Variants in TRPV4 observed in about 807,000 individuals in gnomAD.
The protein encoded by TRPV4 is OSM9-like transient receptor potential channel 4.
A neutral mutation model predicts 84.1 loss-of-function variants in TRPV4; 58 were observed. That is an observed-to-expected ratio of 0.69 (90% confidence interval 0.56 to 0.86). The LOEUF is 0.86. Among genes scored for constraint, TRPV4 ranks in the 40% least tolerant of loss-of-function variants. TRPV4 has a pLI of 0.00. For missense variants in TRPV4, 879 were observed against 1,181.1 expected (o/e 0.74, Z 3.75); for synonymous variants, 489 against 500.9 (o/e 0.98, Z 0.32).
At position 109,792,464 on chromosome 12, in the gene TRPV4, G is replaced by A. The variant is rs984215961; in HGVS notation, c.1825-35C>T. 3.1e-6 allele frequency: 5 copies of A among 1,608,568 alleles called. No individual in the cohort carries two copies. In the Admixed American group the frequency reaches 5.0e-5, roughly 16 times the overall value. On this transcript the variant is annotated intron_variant, in intron 11 of 15. Transcript: ENST00000261740. ...CCAGCGGGATTATGGAGGCAAAGAGGAGACACATGGTTTCTCACTTTCCCC... is the reference window on the plus strand; with the variant it reads ...CCAGCGGGATTATGGAGGCAAAGAGAAGACACATGGTTTCTCACTTTCCCC...
intron 1 of TRPV4, among the ~76,000 whole-genome samples, chr12:109,827,003 G>A (rs1004639248): frequency 2.1e-5 from 3 of 145,022 alleles, no homozygotes; most frequent in African/African-American, 8.7e-5. Flanking sequence ...CATAGCAGCT[G>A]CTCAAGATGT....
intron 2 of TRPV4, among the ~76,000 whole-genome samples, chr12:109,809,891 A>T (rs1891416758): frequency 6.6e-6 from 1 of 152,258 alleles, no homozygotes; most frequent in East Asian, 1.9e-4. Flanking sequence ...CCATGCTCAT[A>T]TGTACCTGCC....
chr12:109,797,584 G>T (rs1025172050), intron 6 of TRPV4, among the ~76,000 whole-genome samples: 1 of 152,214 alleles, frequency 6.6e-6, no homozygotes, highest in Non-Finnish European at 1.5e-5. Flanking sequence ...CTCCCAAAGT[G>T]CTAGGATTAC....
At chr12:109,825,767 G>A (rs1278195931) in intron 1 of TRPV4, among the ~76,000 whole-genome samples, 1 of 152,182 alleles carries the variant, frequency 6.6e-6, no homozygotes, top group Non-Finnish European at 1.5e-5. Flanking sequence ...TCCCGAGTTT[G>A]CCAAATCAGA....
Position 109,798,795 on chromosome 12 carries a change from AC to A in TRPV4, c.970del (p.Val324CysfsTer52). ...MRRQDSRGNT[V>X]LHALVAIADN... is the part of the protein sequence containing the mutation. ...AGCAATGGCCACCAGCGCATGCAGC[AC>A]TGTGTTGCCTCGCGAGTCCTGGCGC... On this transcript the variant is annotated frameshift_variant, in exon 6 of 16. Transcript: ENST00000261740. LOFTEE classifies it high-confidence loss of function. The surrounding 1 kb of genome is among the most constrained non-coding windows in gnomAD (Gnocchi z 5.0). The A allele has an allele frequency of 2.5e-6, 4 of 1,614,188 alleles. No homozygotes were observed. Among genetic ancestry groups the A allele is most frequent in the Non-Finnish European group, 3.4e-6 (4 of 1,180,044 alleles).
rs1213837032 is a variant in TRPV4 at position 109,796,488 on chromosome 12, T to C, written c.1332+37A>G. 1.3e-6 allele frequency: 2 copies of C among 1,595,982 alleles called. No homozygotes were observed. The highest frequency in any genetic ancestry group is 4.5e-5 in the East Asian group (2 of 44,064). ...CTGTCCCTACTCCCAGCCCTGCCCC[T>C]CCTTCCTCACACCCCATGCCCCCTC... On this transcript the variant is annotated intron_variant, in intron 7 of 15. Coordinates refer to ENST00000261740, the MANE Select transcript of TRPV4 (RefSeq NM_021625.5). The surrounding 1 kb of genome is among the most constrained non-coding windows in gnomAD (Gnocchi z 4.2).
rs1891773071 is a variant in TRPV4, at chr12:109,814,890, C to G, written c.-31-63G>C. 1 of 1,470,796 alleles carries G rather than the reference C, an allele frequency of 6.8e-7. No homozygotes were observed. The highest frequency in any genetic ancestry group is 2.5e-5 in the East Asian group (1 of 40,504). The allele number at this position is 1,470,796 out of a possible 1,614,324, so 91.1% of individuals were successfully genotyped here. A position where few individuals can be genotyped will look rare whatever the true frequency, so the allele number is the denominator to read the frequency against. On this transcript the variant is annotated intron_variant, in intron 1 of 15. Transcript: ENST00000261740. This position sits in a 1 kb window ranked among gnomAD's most constrained non-coding sequence, Gnocchi z 5.4. ...CCAGGGGCGGGGGCTCCAGGAAGCC[C>G]CCTCCCACGTGGACAAGCAGCAGTG... is the stretch of plus-strand genomic sequence containing the variant.
At chr12:109,833,155 G>A (rs1179457470) in intron 1 of TRPV4, among the ~76,000 whole-genome samples, 195 bp downstream of exon 1, 1 of 152,212 alleles carries the variant, frequency 6.6e-6, no homozygotes, top group Non-Finnish European at 1.5e-5. Context: ...GAGACCCAAA[G>A]AGCCGGTGTC....
chr12:109,820,513 C>CTTTTTTTT (rs1245573219), intron 1 of TRPV4, among the ~76,000 whole-genome samples: 1,352 of 106,572 alleles, frequency 0.013, 41 homozygotes, highest in Non-Finnish European at 0.019. Flanking sequence ...CTTCAGCTGC[C>CTTTTTTTT]CTATTTTTTT....
intron 13 of TRPV4, 51 bp downstream of exon 13, chr12:109,788,349 G>A (rs754652634): frequency 6.0e-5 from 95 of 1,573,010 alleles, no homozygotes; most frequent in East Asian, 5.1e-4. Context: ...GGGTCTCCTC[G>A]GAAGGACGAG....
chr12:109,792,966 G>C (rs1457449876), intron 10 of TRPV4, 149 bp from the exon 11 acceptor site: 2 of 742,606 alleles, frequency 2.7e-6, no homozygotes, highest in Non-Finnish European at 4.4e-6. Context: ...TGGATTAGCA[G>C]GGTTCCCCAG....
intron 1 of TRPV4, among the ~76,000 whole-genome samples, chr12:109,826,660 C>A (rs1292685587): frequency 2.0e-5 from 3 of 152,088 alleles, no homozygotes; most frequent in Admixed American, 1.3e-4. Flanking sequence ...CTCCCTAGGA[C>A]CCCCCTTCTC....
rs2136503789 is a variant in TRPV4, at chr12:109,796,687, G to A, written c.1170C>T (p.Ile390=). Residue 390 remains isoleucine (I), a synonymous_variant, in exon 7 of 16, where the codon ATC becomes ATT. Coordinates refer to ENST00000261740, the MANE Select transcript of TRPV4 (RefSeq NM_021625.5). The surrounding 1 kb of genome is among the most constrained non-coding windows in gnomAD (Gnocchi z 4.2). ...TGTCCTCATCCGTCACCTCCCGCCG[G>A]ATGATGTGCTGAAAGATCTGCACAG... ...TGKIGIFQHI[I]RREVTDEDTR... 6.2e-7 allele frequency: 1 copy of A among 1,612,944 alleles called. No individual in the cohort carries two copies. Among genetic ancestry groups the A allele is most frequent in the Non-Finnish European group, 8.5e-7 (1 of 1,179,112 alleles).
intron 4 of TRPV4, among the ~76,000 whole-genome samples, chr12:109,802,180 A>G (rs1483738648): frequency 6.8e-6 from 1 of 147,254 alleles, no homozygotes; most frequent in Non-Finnish European, 1.5e-5. Context: ...CCCAGGCTGG[A>G]GTGCAGTGGC....
At chr12:109,808,510 C>A (rs571727191) in intron 2 of TRPV4, 42 bp from the exon 3 acceptor site, 1 of 1,582,272 alleles carries the variant, frequency 6.3e-7, no homozygotes, top group South Asian at 1.1e-5. Context: ...GGGCTCATCC[C>A]CTGCCTGCCC....
At chr12:109,811,568 G>T (rs1005637785) in intron 2 of TRPV4, among the ~76,000 whole-genome samples, 2 of 151,838 alleles carry the variant, frequency 1.3e-5, no homozygotes, top group African/African-American at 4.8e-5. Context: ...TGAGGCTGGA[G>T]AATTGCTTGA....
chr12:109,819,408 C>T (rs1892003351), intron 1 of TRPV4, among the ~76,000 whole-genome samples: 1 of 152,156 alleles, frequency 6.6e-6, no homozygotes, highest in Non-Finnish European at 1.5e-5. Flanking sequence ...TTCGTTCCCG[C>T]ACGGGCTCAC....
chr12:109,825,252 T>C (rs1310538386), intron 1 of TRPV4, among the ~76,000 whole-genome samples: 1 of 152,082 alleles, frequency 6.6e-6, no homozygotes, highest in Non-Finnish European at 1.5e-5. Context: ...AAAGAGCTAT[T>C]GTGAGGATTA....
chr12:109,800,737 G>A lies in TRPV4; in HGVS notation c.734C>T (p.Ala245Val). ...GTAGTGTTTGCAGCGACGCTCAATG[G>A]CGATGTGCAGGGCTGTCTGACCTGG... Reference protein sequence around the residue: ...YYRGQTALHIAIERRCKHYVE... With the variant: ...YYRGQTALHIVIERRCKHYVE... The change falls in exon 5 of 16, where the codon GCC becomes GTC. Residue 245 changes from alanine (A) to valine (V), a missense_variant. Ala to Val is a moderately conservative substitution (Grantham distance 64, BLOSUM62 0). Around this residue, in one of 4 missense-constraint regions of TRPV4, gnomAD observed 521 missense variants for 686.6 expected, o/e 0.76. Coordinates refer to ENST00000261740, the MANE Select transcript of TRPV4 (RefSeq NM_021625.5). The A allele has an allele frequency of 6.2e-7, 1 of 1,613,932 alleles. No individual in the cohort carries two copies. Among genetic ancestry groups the A allele is most frequent in the Non-Finnish European group, 8.5e-7 (1 of 1,180,022 alleles).
Sources: allele counts gnomAD v4.1 joint callset (sites outside exome capture counted in the v4.1 genomes callset), GRCh38; gene constraint gnomAD v4.1.1; regional missense constraint gnomAD v4.1.1; non-coding constraint Gnocchi (gnomAD v3.1); transcripts MANE v1.5; gene names NCBI Gene and HGNC (gene_info 2026-07-23, HGNC 2026-07-21).